The following CCDC148 variants were observed in gnomAD, a reference collection of about 807,000 sequenced individuals.
The protein encoded by CCDC148 is coiled-coil domain-containing protein 148.
A neutral mutation model predicts 85.7 loss-of-function variants in CCDC148; 89 were observed. The observed-to-expected ratio is 1.04, with a 90% confidence interval of 0.87 to 1.24. CCDC148 has a LOEUF of 1.24. Ranked by LOEUF, CCDC148 falls within the 50% of genes most tolerant of loss-of-function variation. The pLI is 0.00. For missense variants in CCDC148, 692 were observed against 671.7 expected, an observed-to-expected ratio of 1.03 and a Z score of -0.33; for synonymous variants, 230 against 213.9, an observed-to-expected ratio of 1.08 and a Z score of -0.66.
intron 2 of CCDC148, among the ~76,000 whole-genome samples, chr2:158,354,881 T>C (rs1461585868): frequency 6.6e-6 from 1 of 151,682 alleles, no homozygotes; most frequent in Non-Finnish European, 1.5e-5. Context: ...TTATCCACCA[T>C]GATCAAGTGG....
At chr2:158,344,553 C>T (rs889818642) in intron 3 of CCDC148, among the ~76,000 whole-genome samples, 1 of 152,038 alleles carries the variant, frequency 6.6e-6, no homozygotes, top group Non-Finnish European at 1.5e-5. Flanking sequence ...AGTATACAAG[C>T]TATAAATGAA....
intron 9 of CCDC148, among the ~76,000 whole-genome samples, chr2:158,266,884 A>T (rs1439038616): frequency 6.8e-6 from 1 of 146,556 alleles, no homozygotes; most frequent in Non-Finnish European, 1.5e-5. Context: ...ACATATATAT[A>T]TATTTATTTA....
intron 1 of CCDC148, among the ~76,000 whole-genome samples, chr2:158,409,114 T>C (rs1342712626): frequency 6.6e-6 from 1 of 152,128 alleles, no homozygotes; most frequent in Non-Finnish European, 1.5e-5. Context: ...TGGTTATTTA[T>C]CCCTTGTCAT....
At chr2:158,432,092 T>C (rs1440132077) in intron 1 of CCDC148, among the ~76,000 whole-genome samples, 3 of 152,100 alleles carry the variant, frequency 2.0e-5, no homozygotes, top group Non-Finnish European at 4.4e-5. Flanking sequence ...ATTTAAGATA[T>C]ACTGTACTGA....
chr2:158,280,099 C>A (rs1343233599), intron 9 of CCDC148, among the ~76,000 whole-genome samples: 6 of 151,980 alleles, frequency 3.9e-5, no homozygotes, highest in Non-Finnish European at 5.9e-5. Flanking sequence ...CACCACCAGG[C>A]CTGCCCTAAA....
intron 9 of CCDC148, among the ~76,000 whole-genome samples, chr2:158,280,353 C>T (rs1436391291): frequency 3.3e-5 from 5 of 152,072 alleles, no homozygotes; most frequent in African/African-American, 1.2e-4. Context: ...AGAGTCAAGA[C>T]CCATCAGTGT....
At chr2:158,332,885 A>G (rs1157023571) in intron 7 of CCDC148, among the ~76,000 whole-genome samples, 4 of 48,432 alleles carry the variant, frequency 8.3e-5, no homozygotes, top group African/African-American at 2.2e-4. Flanking sequence ...GATATCCCCT[A>G]TAACATGTTT....
intron 1 of CCDC148, among the ~76,000 whole-genome samples, chr2:158,448,396 G>T (rs1177677176): frequency 6.6e-6 from 1 of 151,368 alleles, no homozygotes; most frequent in Non-Finnish European, 1.5e-5. Flanking sequence ...TATCCAGGCT[G>T]GAGTTCAGTG....
intron 1 of CCDC148, among the ~76,000 whole-genome samples, chr2:158,377,417 T>C (rs1684700650): frequency 6.6e-6 from 1 of 152,026 alleles, no homozygotes; most frequent in South Asian, 2.1e-4. Context: ...GAAATAGTCA[T>C]TAACATACGA....
At chr2:158,242,454 G>A (rs1220716762) in intron 10 of CCDC148, among the ~76,000 whole-genome samples, 4 of 152,054 alleles carry the variant, frequency 2.6e-5, no homozygotes, top group African/African-American at 7.2e-5. Context: ...CACAAACACT[G>A]AAATGGAGAA....
intron 1 of CCDC148, among the ~76,000 whole-genome samples, chr2:158,453,561 G>A (rs576565233): frequency 4.5e-4 from 68 of 151,974 alleles, no homozygotes; most frequent in African/African-American, 1.4e-3. Flanking sequence ...CAGTATTGGC[G>A]TACTTTTTGA....
chr2:158,174,442 A>T (rs1684472255), intron 13 of CCDC148, among the ~76,000 whole-genome samples: 1 of 151,858 alleles, frequency 6.6e-6, no homozygotes, highest in Non-Finnish European at 1.5e-5. Flanking sequence ...AAAGGAACTC[A>T]CCCCAACCCA....
At chr2:158,304,518 C>G (rs534058220) in intron 9 of CCDC148, among the ~76,000 whole-genome samples, 25 of 152,198 alleles carry the variant, frequency 1.6e-4, no homozygotes, top group Non-Finnish European at 2.9e-4. Context: ...TGGCAGGAAC[C>G]CTGTTAGGCA....
intron 11 of CCDC148, among the ~76,000 whole-genome samples, chr2:158,181,084 A>G (rs1451181495): frequency 6.6e-6 from 1 of 152,166 alleles, no homozygotes; most frequent in African/African-American, 2.4e-5. Flanking sequence ...AGCTAAGTGA[A>G]CTACTGTGAA....
intron 11 of CCDC148, among the ~76,000 whole-genome samples, chr2:158,179,307 C>A (rs540330323): frequency 6.6e-6 from 1 of 150,700 alleles, no homozygotes; most frequent in Non-Finnish European, 1.5e-5. Context: ...TACAGGTACC[C>A]GCCACCATGC....
At chr2:158,333,485 C>T (rs1487147377) in intron 7 of CCDC148, among the ~76,000 whole-genome samples, 1 of 151,984 alleles carries the variant, frequency 6.6e-6, no homozygotes, top group Admixed American at 6.6e-5. Flanking sequence ...GAAGAGAACG[C>T]ATATTTTGTT....
chr2:158,342,231 T>C (rs1394465906), intron 3 of CCDC148, among the ~76,000 whole-genome samples: 1 of 152,114 alleles, frequency 6.6e-6, no homozygotes, highest in African/African-American at 2.4e-5. Context: ...GGTTTCACCA[T>C]GTTGGCTAGG....
intron 1 of CCDC148, among the ~76,000 whole-genome samples, chr2:158,432,509 T>G (rs1304690198): frequency 6.6e-6 from 1 of 152,156 alleles, no homozygotes; most frequent in Admixed American, 6.5e-5. Context: ...AATGTCCAAA[T>G]TCCTAAATGA....
chr2:158,399,600 A>G (rs935652462), intron 1 of CCDC148, among the ~76,000 whole-genome samples: 3 of 152,192 alleles, frequency 2.0e-5, no homozygotes, highest in African/African-American at 7.2e-5. Context: ...AAAACTCTCA[A>G]TAAACTAGGT....
Sources: allele counts gnomAD v4.1 joint callset (sites outside exome capture counted in the v4.1 genomes callset), GRCh38; gene constraint gnomAD v4.1.1; transcripts MANE v1.5; gene names NCBI Gene and HGNC (gene_info 2026-07-23, HGNC 2026-07-21).